Variants in CLSTN2 observed in about 807,000 individuals in gnomAD.
CLSTN2 encodes the protein calsyntenin 2.
Under a neutral mutation model 101.2 loss-of-function variants are expected in CLSTN2, and 48 were observed. The observed-to-expected ratio is 0.47, with a 90% CI of 0.38 to 0.60. The LOEUF (loss-of-function observed/expected upper bound fraction) is 0.60, where lower values mean the gene tolerates loss of function less well. CLSTN2 is among the 20% of genes least tolerant of loss of function. The pLI, the probability that CLSTN2 is intolerant of heterozygous loss-of-function variation, is 0.00. For missense variants in CLSTN2, 1,160 were observed against 1,238.2 expected, an observed-to-expected ratio of 0.94 and a Z score of 0.95; for synonymous variants, 481 against 463.6, an observed-to-expected ratio of 1.04 and a Z score of -0.48.
chr3:140,176,094 G>A (rs774684836), intron 2 of CLSTN2, 21 bp downstream of exon 2: 23 of 1,612,000 alleles, frequency 1.4e-5, no homozygotes, highest in Middle Eastern at 1.6e-4. Context: ...GGCTTCGTAC[G>A]GCTGGGCCTG....
intron 13 of CLSTN2, 129 bp from the exon 14 acceptor site, chr3:140,562,682 C>G: frequency 1.0e-6 from 1 of 975,870 alleles, no homozygotes; most frequent in Non-Finnish European, 1.5e-6. Context: ...CCCAAAATAT[C>G]TTGAGCTCTT....
At chr3:140,494,816 G>T (rs1934428487) in intron 8 of CLSTN2, among the ~76,000 whole-genome samples, 1 of 152,130 alleles carries the variant, frequency 6.6e-6, no homozygotes, top group African/African-American at 2.4e-5. Flanking sequence ...TGGCTACAGA[G>T]TATTCCATGG....
intron 1 of CLSTN2, among the ~76,000 whole-genome samples, chr3:140,163,458 A>G (rs2010084332): frequency 6.6e-6 from 1 of 151,834 alleles, no homozygotes; most frequent in Admixed American, 6.6e-5. Context: ...ACAGATGTAG[A>G]GCTAGATAGA....
At chr3:140,426,370 A>C (rs113676294) in intron 5 of CLSTN2, among the ~76,000 whole-genome samples, 2 of 152,336 alleles carry the variant, frequency 1.3e-5, no homozygotes, top group African/African-American at 4.8e-5. Flanking sequence ...AAATGAAAAC[A>C]TACAGTGTTT....
At chr3:140,143,958 A>C (rs1216152925) in intron 1 of CLSTN2, among the ~76,000 whole-genome samples, 3 of 152,198 alleles carry the variant, frequency 2.0e-5, no homozygotes, top group African/African-American at 7.2e-5. Flanking sequence ...CTGACAACTT[A>C]ATAGATGTCT....
intron 8 of CLSTN2, among the ~76,000 whole-genome samples, chr3:140,493,935 A>G (rs1348916061): frequency 6.6e-6 from 1 of 152,230 alleles, no homozygotes; most frequent in East Asian, 1.9e-4. Flanking sequence ...CCCCAAATTC[A>G]TTATTAGATT....
intron 1 of CLSTN2, among the ~76,000 whole-genome samples, chr3:139,995,713 C>T (rs1459085414): frequency 2.6e-5 from 4 of 151,976 alleles, no homozygotes; most frequent in East Asian, 2.0e-4. Context: ...GATTAAGGGG[C>T]CGCAGATCTA....
At chr3:140,051,423 T>G (rs2007989000) in intron 1 of CLSTN2, among the ~76,000 whole-genome samples, 1 of 152,316 alleles carries the variant, frequency 6.6e-6, no homozygotes, top group African/African-American at 2.4e-5. Context: ...CGTTCCATCC[T>G]CAGCATGGTC....
chr3:140,501,059 G>A (rs1031541714), intron 8 of CLSTN2, among the ~76,000 whole-genome samples: 6 of 152,082 alleles, frequency 3.9e-5, no homozygotes, highest in East Asian at 3.9e-4. Context: ...TTAATGGAGC[G>A]AATCTTGCTG....
chr3:140,116,474 T>C (rs1048757098), intron 1 of CLSTN2, among the ~76,000 whole-genome samples: 20 of 152,104 alleles, frequency 1.3e-4, no homozygotes, highest in African/African-American at 4.8e-4. Context: ...GAATTTACCT[T>C]GAATTGAAAA....
intron 2 of CLSTN2, among the ~76,000 whole-genome samples, chr3:140,231,434 C>A (rs1297181918): frequency 2.6e-5 from 4 of 152,152 alleles, no homozygotes; most frequent in Non-Finnish European, 5.9e-5. Flanking sequence ...AATTAACCAT[C>A]ACAAAAATAC....
chr3:140,543,615 C>T (rs527555224), intron 9 of CLSTN2, among the ~76,000 whole-genome samples: 3 of 152,322 alleles, frequency 2.0e-5, no homozygotes, highest in African/African-American at 7.2e-5. Flanking sequence ...CTCTTCCCTG[C>T]TGGGGCTCTC....
At chr3:140,106,978 G>A (rs1223536165) in intron 1 of CLSTN2, among the ~76,000 whole-genome samples, 1 of 152,172 alleles carries the variant, frequency 6.6e-6, no homozygotes, top group Non-Finnish European at 1.5e-5. Context: ...TTTAATTAGT[G>A]ACATGACAAT....
chr3:140,104,741 A>G (rs529055790), intron 1 of CLSTN2, among the ~76,000 whole-genome samples: 2 of 152,372 alleles, frequency 1.3e-5, no homozygotes, highest in South Asian at 4.1e-4. Context: ...TGGGAGGCCA[A>G]GGCGGGCAGA....
chr3:140,194,388 C>T (rs969486374), intron 2 of CLSTN2, among the ~76,000 whole-genome samples: 2 of 152,092 alleles, frequency 1.3e-5, no homozygotes, highest in Non-Finnish European at 2.9e-5. Flanking sequence ...CTCTCAAAGA[C>T]CCCACCTTGA....
At chr3:140,373,651 T>A (rs547365014) in intron 2 of CLSTN2, among the ~76,000 whole-genome samples, 8 of 152,300 alleles carry the variant, frequency 5.3e-5, no homozygotes, top group African/African-American at 1.9e-4. Context: ...ATCAGTACTA[T>A]TAGCTCAGAA....
At chr3:140,385,357 CTTTTTTT>C (rs546696189) in intron 2 of CLSTN2, among the ~76,000 whole-genome samples, 2 of 72,834 alleles carry the variant, frequency 2.7e-5, no homozygotes, top group African/African-American at 6.5e-5. Flanking sequence ...CCCTGATGTT[CTTTTTTT>C]TTTTTTTTTT....
intron 1 of CLSTN2, among the ~76,000 whole-genome samples, chr3:140,105,043 A>G (rs1007921609): frequency 6.6e-6 from 1 of 152,226 alleles, no homozygotes; most frequent in East Asian, 1.9e-4. Flanking sequence ...TTATTCCAGG[A>G]CAAGGGCTCT....
At chr3:140,000,922 GT>G (rs2107747380) in intron 1 of CLSTN2, among the ~76,000 whole-genome samples, 1 of 152,322 alleles carries the variant, frequency 6.6e-6, no homozygotes, top group Admixed American at 6.5e-5. Flanking sequence ...TTAGGGTTCT[GT>G]GGTTATTGGC....
Sources: gnomAD v4.1 joint callset for allele counts (sites outside exome capture counted in the v4.1 genomes callset) on GRCh38, gnomAD v4.1.1 for gene constraint, MANE v1.5 for transcripts, NCBI Gene and HGNC (gene_info 2026-07-23, HGNC 2026-07-21) for gene names.